DOCK5: variants seen among roughly 807,000 people sequenced by gnomAD.
DOCK5 encodes the protein dedicator of cytokinesis protein 5.
DOCK5 carries 142 observed loss-of-function variants against 251.8 expected under a neutral mutation model. That is an observed-to-expected ratio of 0.56 (90% CI 0.49 to 0.65). DOCK5 has a LOEUF of 0.65. Ranked by LOEUF, DOCK5 falls within the 30% of genes least tolerant of loss-of-function variation. The pLI is 0.00. For synonymous variants in DOCK5, 842 were observed against 835.5 expected (o/e 1.01, Z -0.13); for missense variants, 2,111 against 2,312.3 (o/e 0.91, Z 1.79).
At chr8:25,234,501 TTC>T (rs1802745305) in intron 1 of DOCK5, among the ~76,000 whole-genome samples, 1 of 152,238 alleles carries the variant, frequency 6.6e-6, no homozygotes, top group South Asian at 2.1e-4. Flanking sequence ...TCAGATTTTT[TTC>T]TGTTTTACTT....
intron 6 of DOCK5, among the ~76,000 whole-genome samples, chr8:25,294,583 G>A (rs2666177): frequency 6.6e-6 from 1 of 152,134 alleles, no homozygotes; most frequent in African/African-American, 2.4e-5. Flanking sequence ...CGATATGGCC[G>A]TTAGTATTCC....
intron 18 of DOCK5, among the ~76,000 whole-genome samples, chr8:25,329,278 T>C (rs1295478282): frequency 6.6e-6 from 1 of 152,182 alleles, no homozygotes; most frequent in Non-Finnish European, 1.5e-5. Context: ...ATAAATTAAA[T>C]TATGAGTCAG....
At chr8:25,376,025 A>T in intron 37 of DOCK5, 2 of 913,782 alleles carry the variant, frequency 2.2e-6, no homozygotes, top group Non-Finnish European at 2.6e-6. Context: ...TTGAACCTGC[A>T]AGGCGGAGGT....
chr8:25,350,973 A>G (rs1056767792), intron 26 of DOCK5, among the ~76,000 whole-genome samples: 1 of 152,156 alleles, frequency 6.6e-6, no homozygotes, highest in African/African-American at 2.4e-5. Context: ...TCCCTCCAAC[A>G]CAGAAGGTGG....
rs981391256 is a variant in DOCK5, at chr8:25,300,482, T to C, written c.765-94T>C. ...TGAATTTCACTGAGCATTTCTGGCC[T>C]TTCCTCCTTCCCTTGTAAGTCTATA... On this transcript the variant is annotated intron_variant, in intron 8 of 51. Coordinates refer to ENST00000276440, the MANE Select transcript of DOCK5 (RefSeq NM_024940.8). The C allele has an allele frequency of 1.1e-5, 13 of 1,159,612 alleles. No individual in the cohort carries two copies. In the African/African-American group the frequency reaches 1.9e-4, roughly 17 times the overall value. The allele number at this position is 1,159,612 out of a possible 1,614,324, so 71.8% of individuals were successfully genotyped here.
chr8:25,201,004 T>C (rs1319361532), intron 1 of DOCK5, among the ~76,000 whole-genome samples: 6 of 152,164 alleles, frequency 3.9e-5, no homozygotes, highest in Non-Finnish European at 8.8e-5. Flanking sequence ...CCTCCTGGGT[T>C]CAAACAATTC....
At chr8:25,262,709 T>C (rs1380591815) in intron 2 of DOCK5, among the ~76,000 whole-genome samples, 1 of 152,194 alleles carries the variant, frequency 6.6e-6, no homozygotes, top group African/African-American at 2.4e-5. Context: ...CATAAATCTC[T>C]TCATTTCTAA....
intron 30 of DOCK5, among the ~76,000 whole-genome samples, chr8:25,365,530 A>G (rs967787350): frequency 1.1e-4 from 16 of 152,254 alleles, no homozygotes; most frequent in South Asian, 6.2e-4. Context: ...TCAAGCAAGT[A>G]GCTCAAGAGC....
chr8:25,206,619 A>G (rs1802008292), intron 1 of DOCK5, among the ~76,000 whole-genome samples: 2 of 152,220 alleles, frequency 1.3e-5, no homozygotes, highest in African/African-American at 4.8e-5. Flanking sequence ...GACCCAGGGA[A>G]GGCCTAGGTA....
intron 1 of DOCK5, among the ~76,000 whole-genome samples, chr8:25,200,119 G>A (rs769051356): frequency 2.0e-4 from 30 of 152,326 alleles, no homozygotes; most frequent in Non-Finnish European, 3.8e-4. Context: ...GAACTTTGGA[G>A]TAACTGAAAT....
chr8:25,342,071 AC>A (rs1287489193), intron 24 of DOCK5, among the ~76,000 whole-genome samples: 1 of 152,148 alleles, frequency 6.6e-6, no homozygotes, highest in East Asian at 1.9e-4. Context: ...TTCCAGCCCT[AC>A]CCCTAAGTAT....
intron 18 of DOCK5, among the ~76,000 whole-genome samples, chr8:25,327,799 G>A (rs1176549607): frequency 6.6e-6 from 1 of 152,176 alleles, no homozygotes; most frequent in Admixed American, 6.5e-5. Context: ...AGAGGGATAA[G>A]TTCAAGAGAT....
intron 5 of DOCK5, among the ~76,000 whole-genome samples, chr8:25,280,041 G>A (rs1057484754): frequency 2.0e-5 from 3 of 152,106 alleles, no homozygotes; most frequent in South Asian, 2.1e-4. Context: ...TTGGGATTAC[G>A]GGCGTGAGCC....
chr8:25,284,809 C>CT (rs1249861899), intron 5 of DOCK5, among the ~76,000 whole-genome samples: 1 of 152,210 alleles, frequency 6.6e-6, no homozygotes, highest in Non-Finnish European at 1.5e-5. Context: ...AAGGATCATA[C>CT]TTTTTCAACT....
chr8:25,413,153 A>G lies in DOCK5; in HGVS notation c.*1855A>G, dbSNP rs562835786. Reference sequence around the variant, plus strand: ...CCAGAATGGGGATAATGCCTCCTGCATCGGTTGTTGTGAGGTTTCAATGAG... The same window carrying G: ...CCAGAATGGGGATAATGCCTCCTGCGTCGGTTGTTGTGAGGTTTCAATGAG... On this transcript the variant is annotated 3_prime_UTR_variant, in exon 52 of 52. Coordinates refer to ENST00000276440, the MANE Select transcript of DOCK5 (RefSeq NM_024940.8). 7.2e-5 allele frequency: 11 copies of G among 152,262 alleles called. No homozygotes were observed. Among genetic ancestry groups the G allele is most frequent in the African/African-American group, 2.2e-4 (9 of 41,564 alleles). The allele number at this position is 152,262 out of a possible 1,614,324, so 9.4% of individuals were successfully genotyped here.
intron 1 of DOCK5, among the ~76,000 whole-genome samples, chr8:25,215,994 C>T (rs1802233111): frequency 6.7e-6 from 1 of 149,654 alleles, no homozygotes; most frequent in African/African-American, 2.5e-5. Context: ...GAATATATAT[C>T]TGCATACAGT....
intron 13 of DOCK5, among the ~76,000 whole-genome samples, chr8:25,316,205 C>G (rs189353286): frequency 6.6e-6 from 1 of 152,252 alleles, no homozygotes; most frequent in African/African-American, 2.4e-5. Flanking sequence ...CTAGGCTGGG[C>G]ATGGTGGCTC....
intron 1 of DOCK5, among the ~76,000 whole-genome samples, chr8:25,206,548 C>T (rs922719209): frequency 1.3e-5 from 2 of 152,116 alleles, no homozygotes; most frequent in East Asian, 1.9e-4. Context: ...TGTGAAAAAC[C>T]TGGGCTAGTT....
chr8:25,340,187 A>G (rs1406773847), intron 22 of DOCK5, among the ~76,000 whole-genome samples: 6 of 152,230 alleles, frequency 3.9e-5, no homozygotes, highest in Admixed American at 2.6e-4. Context: ...TGGGGACTAC[A>G]TTGCAAATAA....
Sources: gnomAD v4.1 joint callset for allele counts (sites outside exome capture counted in the v4.1 genomes callset) on GRCh38, gnomAD v4.1.1 for gene constraint, MANE v1.5 for transcripts, NCBI Gene and HGNC (gene_info 2026-07-23, HGNC 2026-07-21) for gene names.